Variants in NELL1 observed in about 807,000 individuals in gnomAD.
The protein encoded by NELL1 is protein kinase C-binding protein NELL1.
NELL1 carries 76 observed loss-of-function variants against 107.4 expected under a neutral mutation model. That is an observed-to-expected ratio of 0.71 (90% CI 0.59 to 0.86). The LOEUF (loss-of-function observed/expected upper bound fraction) is 0.86, where lower values mean the gene tolerates loss of function less well. Ranked by LOEUF, NELL1 falls within the 40% of genes least tolerant of loss-of-function variation. NELL1 has a pLI of 0.00. For synonymous variants in NELL1, 353 were observed against 341.2 expected (o/e 1.03, Z -0.38); for missense variants, 1,024 against 1,005.5 (o/e 1.02, Z -0.25).
chr11:21,032,897 T>C (rs1852998892), intron 12 of NELL1, among the ~76,000 whole-genome samples: 1 of 152,252 alleles, frequency 6.6e-6, no homozygotes. Flanking sequence ...TCCTTTGATA[T>C]AACTGTTGCA....
chr11:21,228,496 T>G (rs1383301567), intron 13 of NELL1, among the ~76,000 whole-genome samples: 1 of 152,122 alleles, frequency 6.6e-6, no homozygotes, highest in Non-Finnish European at 1.5e-5. Flanking sequence ...GTAAATCCTT[T>G]TCCTACTCTC....
chr11:21,068,974 T>A (rs1853946315), intron 12 of NELL1, among the ~76,000 whole-genome samples: 1 of 152,200 alleles, frequency 6.6e-6, no homozygotes, highest in African/African-American at 2.4e-5. Flanking sequence ...ATGTACACAT[T>A]CCTTTGGAGT....
intron 11 of NELL1, among the ~76,000 whole-genome samples, chr11:20,958,926 A>G (rs1278688438): frequency 6.6e-6 from 1 of 152,172 alleles, no homozygotes; most frequent in South Asian, 2.1e-4. Flanking sequence ...GACTATGGCC[A>G]TTAAGCGAAT....
chr11:21,528,616 AAAAT>A (rs1433735317), intron 15 of NELL1, among the ~76,000 whole-genome samples: 1 of 150,742 alleles, frequency 6.6e-6, no homozygotes, highest in Non-Finnish European at 1.5e-5. Context: ...GATCATGAGC[AAAAT>A]AAATCTTTTT....
At position 20,859,734 on chromosome 11, in the gene NELL1, C is replaced by T. The variant is rs184015166; in HGVS notation, c.506+11981C>T. Among the ~76,000 whole-genome samples, 7 of 152,238 alleles carry T rather than the reference C, an allele frequency of 4.6e-5. No homozygotes were observed. In the East Asian group the frequency reaches 1.2e-3, roughly 25 times the overall value. On this transcript the variant is annotated intron_variant, in intron 4 of 19. Coordinates refer to ENST00000357134, the MANE Select transcript of NELL1 (RefSeq NM_006157.5). ...GACCCCCATTTAGGAGGGCATTTGTCGTTATTGCTTCTTTTATTGGCACCT... is the reference window on the plus strand; with the variant it reads ...GACCCCCATTTAGGAGGGCATTTGTTGTTATTGCTTCTTTTATTGGCACCT...
At chr11:20,686,498 T>C (rs936565044) in intron 2 of NELL1, among the ~76,000 whole-genome samples, 5 of 152,136 alleles carry the variant, frequency 3.3e-5, no homozygotes, top group African/African-American at 7.2e-5. Flanking sequence ...GGAACCAGAA[T>C]AGGTTCAGAG....
At chr11:21,482,985 A>G (rs768668410) in intron 15 of NELL1, among the ~76,000 whole-genome samples, 2 of 151,930 alleles carry the variant, frequency 1.3e-5, no homozygotes, top group African/African-American at 4.8e-5. Context: ...TTAGGCCTCT[A>G]TAATTTTTTT....
intron 14 of NELL1, among the ~76,000 whole-genome samples, chr11:21,330,247 A>G (rs559240614): frequency 6.6e-6 from 1 of 152,244 alleles, no homozygotes; most frequent in African/African-American, 2.4e-5. Flanking sequence ...CATTTAAAAC[A>G]TGTTAAGAGA....
At chr11:21,240,003 C>A (rs1273538200) in intron 14 of NELL1, among the ~76,000 whole-genome samples, 1 of 152,024 alleles carries the variant, frequency 6.6e-6, no homozygotes, top group East Asian at 1.9e-4. Context: ...TGGTCTCTGG[C>A]AAACATGAAC....
intron 5 of NELL1, among the ~76,000 whole-genome samples, chr11:20,897,645 A>G (rs1383079493): frequency 2.0e-5 from 3 of 152,178 alleles, no homozygotes; most frequent in African/African-American, 7.2e-5. Flanking sequence ...ACAGAATGGG[A>G]GAAAATTTTT....
At chr11:21,541,161 A>G (rs1461667174) in intron 16 of NELL1, among the ~76,000 whole-genome samples, 2 of 152,120 alleles carry the variant, frequency 1.3e-5, no homozygotes, top group Non-Finnish European at 2.9e-5. Flanking sequence ...TTCATTCACA[A>G]GAAAGCCCAT....
chr11:21,210,947 T>C (rs1163638015), intron 13 of NELL1, among the ~76,000 whole-genome samples: 1 of 152,176 alleles, frequency 6.6e-6, no homozygotes, highest in Non-Finnish European at 1.5e-5. Context: ...CTTTTCTGCC[T>C]TCCATCATTT....
At chr11:21,483,231 T>C (rs1008615385) in intron 15 of NELL1, among the ~76,000 whole-genome samples, 4 of 152,186 alleles carry the variant, frequency 2.6e-5, no homozygotes, top group South Asian at 2.1e-4. Flanking sequence ...TATCCTTTTG[T>C]TAATGCTTAA....
intron 1 of NELL1, among the ~76,000 whole-genome samples, chr11:20,676,791 CT>C (rs1398317913): frequency 1.3e-5 from 2 of 152,210 alleles, no homozygotes; most frequent in South Asian, 2.1e-4. Flanking sequence ...CCCTCCAAAT[CT>C]TGTCTCAGTG....
At chr11:20,845,791 G>T (rs570780335) in intron 3 of NELL1, among the ~76,000 whole-genome samples, 5 of 151,820 alleles carry the variant, frequency 3.3e-5, no homozygotes, top group East Asian at 1.9e-4. Flanking sequence ...CCCTTTTTTT[G>T]GGGGGGCCGT....
At chr11:21,122,774 G>A (rs1045185455) in intron 13 of NELL1, among the ~76,000 whole-genome samples, 9 of 152,064 alleles carry the variant, frequency 5.9e-5, no homozygotes, top group East Asian at 1.9e-4. Context: ...CACAGCGTAC[G>A]TATATCAGTT....
intron 14 of NELL1, among the ~76,000 whole-genome samples, chr11:21,333,410 A>G (rs1850315204): frequency 6.6e-6 from 1 of 152,092 alleles, no homozygotes; most frequent in African/African-American, 2.4e-5. Context: ...TTGTGATTAT[A>G]GAAATAGAAA....
intron 11 of NELL1, among the ~76,000 whole-genome samples, chr11:20,952,576 C>A (rs1851090405): frequency 6.6e-6 from 1 of 152,148 alleles, no homozygotes; most frequent in African/African-American, 2.4e-5. Flanking sequence ...GAGGAACTGG[C>A]AGTTCACAGA....
At chr11:20,780,951 A>G (rs543744486) in intron 2 of NELL1, among the ~76,000 whole-genome samples, 3 of 152,228 alleles carry the variant, frequency 2.0e-5, no homozygotes, top group Non-Finnish European at 4.4e-5. Flanking sequence ...ACTGGATTTT[A>G]TCCTATGAGC....
Sources: allele counts gnomAD v4.1 joint callset (sites outside exome capture counted in the v4.1 genomes callset), GRCh38; gene constraint gnomAD v4.1.1; transcripts MANE v1.5; gene names NCBI Gene and HGNC (gene_info 2026-07-23, HGNC 2026-07-21).